The following HHLA1 variants were observed in gnomAD, a reference collection of about 807,000 sequenced individuals.
HHLA1 encodes the protein HERV-H LTR-associating protein 1.
In HHLA1, 72 loss-of-function variants were observed where a neutral mutation model predicts 69.9. The observed-to-expected ratio is 1.03, with a 90% CI of 0.85 to 1.25. HHLA1 has a LOEUF of 1.25. Among genes scored for constraint, HHLA1 ranks in the 50% most tolerant of loss-of-function variants. The pLI, the probability that HHLA1 is intolerant of heterozygous loss-of-function variation, is 0.00. For missense variants in HHLA1, 685 were observed against 642.2 expected (o/e 1.07, Z -0.72); for synonymous variants, 252 against 233.2 (o/e 1.08, Z -0.73).
intron 2 of HHLA1, among the ~76,000 whole-genome samples, chr8:132,104,762 C>T (rs1824175714): frequency 6.6e-6 from 1 of 151,968 alleles, no homozygotes; most frequent in African/African-American, 2.4e-5. Flanking sequence ...ACCTGGTACA[C>T]TACACAGAGA....
intron 5 of HHLA1, among the ~76,000 whole-genome samples, chr8:132,097,036 T>C (rs1273028918): frequency 6.6e-6 from 1 of 152,160 alleles, no homozygotes; most frequent in Non-Finnish European, 1.5e-5. Context: ...AATGGCAGAA[T>C]CATTAAACTT....
intron 1 of HHLA1, 111 bp from the exon 2 acceptor site, chr8:132,105,397 C>T: frequency 4.0e-6 from 3 of 747,884 alleles, no homozygotes; most frequent in Middle Eastern, 2.3e-4. Context: ...AGGCTTTGTA[C>T]TAGGTTAGGA....
intron 15 of HHLA1, chr8:132,070,493 T>C: frequency 4.6e-6 from 3 of 646,806 alleles, no homozygotes. Flanking sequence ...TCCTCTGCCA[T>C]AATTCTACTT....
chr8:132,071,238 G>A (rs928157200), intron 15 of HHLA1, 102 bp downstream of exon 15: 2 of 1,009,554 alleles, frequency 2.0e-6, no homozygotes, highest in African/African-American at 3.3e-5. Flanking sequence ...GCCTGTCTGT[G>A]GATTGCTTAT....
intron 4 of HHLA1, among the ~76,000 whole-genome samples, chr8:132,099,214 A>T (rs1824076105): frequency 6.6e-6 from 1 of 152,210 alleles, no homozygotes; most frequent in Non-Finnish European, 1.5e-5. Flanking sequence ...TTTTAGTGAC[A>T]ATTGCATCTC....
At chr8:132,106,963 A>G (rs1824211801) in intron 1 of HHLA1, among the ~76,000 whole-genome samples, 4 of 152,222 alleles carry the variant, frequency 2.6e-5, no homozygotes, top group Non-Finnish European at 5.9e-5. Context: ...GGACAGAGTC[A>G]TAACTACTTT....
Position 132,110,932 on chromosome 8 carries a change from C to G in HHLA1, c.-22+170G>C, listed in dbSNP as rs189849494. On this transcript the variant is annotated intron_variant, in intron 1 of 16. Transcript: ENST00000414222. ...TGATCAAGCGATCAAGGGATGGAGT[C>G]TTAGCTAAATGCAATGTAGATATTG... is the stretch of plus-strand genomic sequence containing the variant. 9.0e-4 allele frequency among the ~76,000 whole-genome samples: 137 copies of G among 152,292 alleles called. 1 individual carries two copies. The highest frequency in any genetic ancestry group is 3.0e-3 in the African/African-American group (126 of 41,562).
Position 132,065,484 on chromosome 8 carries a change from A to G in HHLA1, c.1552+402T>C, listed in dbSNP as rs111978915. On this transcript the variant is annotated intron_variant, in intron 16 of 16. Transcript: ENST00000414222. ...TTTTTAGTAGAGACGGGGTTTCACC[A>G]TGTTAGCCAGGATGGTCTCGATCTC... 6.4e-3 allele frequency among the ~76,000 whole-genome samples: 969 copies of G among 152,258 alleles called. 20 individuals are homozygous for G. The highest frequency in any genetic ancestry group is 0.038 in the Admixed American group (585 of 15,300).
intron 8 of HHLA1, 119 bp downstream of exon 8, chr8:132,089,397 A>G (rs1374064746): frequency 2.9e-6 from 2 of 690,990 alleles, no homozygotes; most frequent in Non-Finnish European, 5.3e-6. Flanking sequence ...GATTACATGA[A>G]CGTTTCTGGC....
intron 10 of HHLA1, among the ~76,000 whole-genome samples, chr8:132,084,362 T>G (rs1168125563): frequency 6.6e-6 from 1 of 151,946 alleles, no homozygotes; most frequent in Non-Finnish European, 1.5e-5. Flanking sequence ...CAGCGACGCT[T>G]GGGGTTGGTA....
chr8:132,096,614 C>A (rs1194564258), intron 5 of HHLA1, among the ~76,000 whole-genome samples: 4 of 152,078 alleles, frequency 2.6e-5, no homozygotes, highest in Non-Finnish European at 5.9e-5. Flanking sequence ...TAGTTTATAT[C>A]TGGAGCACAG....
chr8:132,080,551 T>G, intron 10 of HHLA1: 1 of 192,356 alleles, frequency 5.2e-6, no homozygotes, highest in South Asian at 1.0e-4. Context: ...ACTTCTTTTG[T>G]GGTGGAATGT....
chr8:132,085,156 T>A (rs553736697), intron 10 of HHLA1, among the ~76,000 whole-genome samples: 9 of 152,126 alleles, frequency 5.9e-5, no homozygotes, highest in Non-Finnish European at 1.0e-4. Context: ...CCTTGAAACG[T>A]GAGTGTATAA....
At chr8:132,099,990 T>C (rs772066048) in intron 4 of HHLA1, 85 bp downstream of exon 4, 1 of 973,714 alleles carries the variant, frequency 1.0e-6, no homozygotes, top group Non-Finnish European at 1.6e-6. Context: ...TTCTCGCCAC[T>C]GTGGGAAAGA....
intron 10 of HHLA1, among the ~76,000 whole-genome samples, chr8:132,085,229 G>A (rs975334537): frequency 5.9e-5 from 9 of 152,308 alleles, no homozygotes; most frequent in Middle Eastern, 3.4e-3. Flanking sequence ...GTCCGTGACC[G>A]GCGCTGGAGT....
chr8:132,074,576 G>A (rs952585104), intron 14 of HHLA1, among the ~76,000 whole-genome samples: 1 of 152,056 alleles, frequency 6.6e-6, no homozygotes, highest in African/African-American at 2.4e-5. Flanking sequence ...GGATGAATGA[G>A]TGGATGCCAA....
chr8:132,062,331 T>G lies in HHLA1; in HGVS notation c.*1664A>C, dbSNP rs7839211. 9 of 152,126 alleles carry G rather than the reference T, an allele frequency of 5.9e-5. No homozygotes were observed. Among genetic ancestry groups the G allele is most frequent in the Non-Finnish European group, 1.3e-4 (9 of 68,028 alleles). 9.4% of individuals were successfully genotyped at this position (152,126 alleles called of 1,614,324 possible). ...TTCTGCATATGATTAGAAAGAGAAA[T>G]GTCTGGCTGCTCCTCTCTCCAATGT... On this transcript the variant is annotated 3_prime_UTR_variant, in exon 17 of 17. Coordinates refer to ENST00000414222, the MANE Select transcript of HHLA1 (RefSeq NM_001145095.3).
intron 1 of HHLA1, among the ~76,000 whole-genome samples, chr8:132,106,919 A>G (rs143832958): frequency 6.6e-6 from 1 of 152,282 alleles, no homozygotes; most frequent in East Asian, 1.9e-4. Context: ...CTGCGCAAAC[A>G]TTATCTCCCC....
Position 132,076,470 on chromosome 8 carries a change from C to T in HHLA1, c.1240+5G>A, listed in dbSNP as rs534067148. 2.4e-5 allele frequency: 25 copies of T among 1,061,726 alleles called. No individual in the cohort carries two copies. In the South Asian group the frequency reaches 3.1e-4, roughly 13 times the overall value. 65.8% of individuals were successfully genotyped at this position (1,061,726 alleles called of 1,614,324 possible). On this transcript the variant is annotated splice_donor_5th_base_variant and intron_variant, in intron 13 of 16. Transcript: ENST00000414222. ...AAACCCCCACTTCCGTACTGAGTTTCTCACCTGTTTGTGGATATCTGGGGG... is the reference window on the plus strand; with the variant it reads ...AAACCCCCACTTCCGTACTGAGTTTTTCACCTGTTTGTGGATATCTGGGGG...
Sources: allele counts gnomAD v4.1 joint callset (sites outside exome capture counted in the v4.1 genomes callset), GRCh38; gene constraint gnomAD v4.1.1; transcripts MANE v1.5; gene names NCBI Gene and HGNC (gene_info 2026-07-23, HGNC 2026-07-21).